The following SLC39A8 variants were observed in gnomAD, a reference collection of about 807,000 sequenced individuals.
SLC39A8 encodes the protein metal cation symporter ZIP8.
In SLC39A8, 15 loss-of-function variants were observed where a neutral mutation model predicts 40.4. That is an observed-to-expected ratio of 0.37 (90% confidence interval 0.25 to 0.57). The LOEUF (loss-of-function observed/expected upper bound fraction) is 0.57. Among genes scored for constraint, SLC39A8 ranks in the 20% least tolerant of loss-of-function variants. SLC39A8 has a pLI of 0.75. For synonymous variants in SLC39A8, 223 were observed against 221.6 expected (o/e 1.01, Z -0.06); for missense variants, 472 against 558.8 (o/e 0.84, Z 1.57).
chr4:102,294,243 C>A (rs1386761562), intron 6 of SLC39A8, among the ~76,000 whole-genome samples: 1 of 152,012 alleles, frequency 6.6e-6, no homozygotes, highest in East Asian at 1.9e-4. Context: ...GACCAAATTT[C>A]AGTTAGGCTC....
chr4:102,274,723 A>C (rs540520261), intron 6 of SLC39A8, among the ~76,000 whole-genome samples: 1 of 152,344 alleles, frequency 6.6e-6, no homozygotes, highest in East Asian at 1.9e-4. Flanking sequence ...TTACCTAAAA[A>C]GGGAAGCCCA....
chr4:102,277,934 T>C (rs527845843), intron 6 of SLC39A8, among the ~76,000 whole-genome samples: 29 of 152,368 alleles, frequency 1.9e-4, no homozygotes, highest in Non-Finnish European at 3.8e-4. Context: ...GCTAGCCATA[T>C]GCAGAAAACT....
At chr4:102,301,959 T>C (rs1219873380) in intron 6 of SLC39A8, among the ~76,000 whole-genome samples, 1 of 152,056 alleles carries the variant, frequency 6.6e-6, no homozygotes, top group Admixed American at 6.6e-5. Context: ...AGCTAGTTTA[T>C]CCTAGTAGGT....
Sources: gnomAD v4.1 joint callset for allele counts (sites outside exome capture counted in the v4.1 genomes callset) on GRCh38, gnomAD v4.1.1 for gene constraint, MANE v1.5 for transcripts, NCBI Gene and HGNC (gene_info 2026-07-23, HGNC 2026-07-21) for gene names.